The following TXNL1 variants were observed in gnomAD, a reference collection of about 807,000 sequenced individuals.
The protein encoded by TXNL1 is thioredoxin like 1, also known as thioredoxin-like protein 1.
Under a neutral mutation model 35.5 loss-of-function variants are expected in TXNL1, and 14 were observed. The observed-to-expected ratio is 0.39, with a 90% CI of 0.26 to 0.62. The LOEUF is 0.62. Ranked by LOEUF, TXNL1 falls within the 20% of genes least tolerant of loss-of-function variation. The pLI, the probability that TXNL1 is intolerant of heterozygous loss-of-function variation, is 0.47. For missense variants in TXNL1, 263 were observed against 349.7 expected (o/e 0.75, Z 1.98); for synonymous variants, 110 against 115.5 (o/e 0.95, Z 0.31).
chr18:56,633,407 A>G (rs1172708555), intron 1 of TXNL1, among the ~76,000 whole-genome samples: 1 of 143,934 alleles, frequency 6.9e-6, no homozygotes. Flanking sequence ...AGATTGTGCC[A>G]CTGCACTCCA....
At chr18:56,616,101 C>A (rs2024081789) in intron 5 of TXNL1, 144 bp downstream of exon 5, 1 of 639,820 alleles carries the variant, frequency 1.6e-6, no homozygotes. Flanking sequence ...CACCGCACTC[C>A]AGCCTGGGCA....
rs1598908075 is a variant in TXNL1, at chr18:56,600,113, A to G, written c.*2914T>C. On this transcript the variant is annotated 3_prime_UTR_variant, in exon 8 of 8. Coordinates refer to ENST00000217515, the MANE Select transcript of TXNL1 (RefSeq NM_004786.3). ...TTTTAGACATTAAGAGGAACAAGGG[A>G]GGATCTGAACTATTTTAGGTTTAAA... 1 of 152,370 alleles carries G rather than the reference A, an allele frequency of 6.6e-6. No homozygotes were observed. The highest frequency in any genetic ancestry group is 2.4e-5 in the African/African-American group (1 of 41,592). 9.4% of individuals were successfully genotyped at this position (152,370 alleles called of 1,614,324 possible).
chr18:56,621,154 A>G (rs963221106), intron 3 of TXNL1, among the ~76,000 whole-genome samples: 2 of 152,124 alleles, frequency 1.3e-5, no homozygotes, highest in Non-Finnish European at 2.9e-5. Flanking sequence ...AAATTCTTCT[A>G]AATAGTTTTT....
intron 6 of TXNL1, 24 bp downstream of exon 6, chr18:56,614,400 A>G (rs1177090348): frequency 5.6e-6 from 9 of 1,598,776 alleles, no homozygotes; most frequent in Non-Finnish European, 7.7e-6. Context: ...CCTATTAAAT[A>G]CATATGAACG....
chr18:56,610,588 A>G (rs2023974508), intron 7 of TXNL1: 1 of 152,808 alleles, frequency 6.5e-6, no homozygotes, highest in Non-Finnish European at 1.5e-5. Context: ...TTTAAATAAA[A>G]TTATTCAAGT....
Position 56,603,659 on chromosome 18 carries a change from C to A in TXNL1, c.841-603G>T, listed in dbSNP as rs577578239. Among the ~76,000 whole-genome samples, 3 of 152,216 alleles carry A rather than the reference C, an allele frequency of 2.0e-5. No individual in the cohort carries two copies. In the South Asian group the frequency reaches 6.2e-4, roughly 32 times the overall value. On this transcript the variant is annotated intron_variant, in intron 7 of 7. Transcript: ENST00000217515. ...TCCTCTACTGGAGGATTATAAAAAA[C>A]ATTCTGGTTGCTATATATGTGGCAG...
In TXNL1 at chr18:56,610,982, A is replaced by G. The variant is rs1390682690; in HGVS notation, c.840+11T>C. 2.6e-6 allele frequency: 4 copies of G among 1,537,694 alleles called. No homozygotes were observed. Among genetic ancestry groups the G allele is most frequent in the Middle Eastern group, 1.7e-4 (1 of 5,908 alleles). ...TTTTACTATCCCGAAGTATCATTTA[A>G]GCAAACTTACTCGTTTGAAGTCATT... On this transcript the variant is annotated intron_variant, in intron 7 of 7. Transcript: ENST00000217515.
chr18:56,616,675 C>T (rs529803560), intron 4 of TXNL1, among the ~76,000 whole-genome samples: 26 of 152,242 alleles, frequency 1.7e-4, no homozygotes, highest in Admixed American at 2.6e-4. Flanking sequence ...CATAGCTCTA[C>T]GATGGTTTAT....
At chr18:56,617,296 T>G (rs2024104054) in intron 4 of TXNL1, among the ~76,000 whole-genome samples, 1 of 152,194 alleles carries the variant, frequency 6.6e-6, no homozygotes, top group African/African-American at 2.4e-5. Context: ...ATTAGGGAAC[T>G]GAACTGTAGG....
intron 1 of TXNL1, among the ~76,000 whole-genome samples, chr18:56,633,797 A>G (rs2024414364): frequency 6.6e-6 from 1 of 151,716 alleles, no homozygotes; most frequent in South Asian, 2.1e-4. Flanking sequence ...CAGCCTGACC[A>G]ACATGGTGAA....
chr18:56,619,107 G>C, intron 3 of TXNL1, among the ~76,000 whole-genome samples: 1 of 151,494 alleles, frequency 6.6e-6, no homozygotes, highest in South Asian at 2.1e-4. Context: ...CCAGCTAATT[G>C]GGAGGCTGAG....
At chr18:56,607,380 C>T (rs1339874390) in intron 7 of TXNL1, among the ~76,000 whole-genome samples, 1 of 151,252 alleles carries the variant, frequency 6.6e-6, no homozygotes, top group African/African-American at 2.4e-5. Flanking sequence ...TGGTCCTGAA[C>T]TCCTGGGTTT....
chr18:56,616,147 G>GA (rs1271716378), intron 5 of TXNL1, 98 bp downstream of exon 5: 28 of 872,564 alleles, frequency 3.2e-5, no homozygotes, highest in Admixed American at 1.8e-4. Flanking sequence ...AAAAAAAAAA[G>GA]AAAAAACAAG....
rs1029927695 is a variant in TXNL1 at position 56,638,569 on chromosome 18, G to A, written c.-129C>T. The A allele has an allele frequency of 3.3e-6, 3 of 911,926 alleles. No individual in the cohort carries two copies. Among genetic ancestry groups the A allele is most frequent in the South Asian group, 1.8e-5 (1 of 55,552 alleles). The allele number at this position is 911,926 out of a possible 1,614,324, so 56.5% of individuals were successfully genotyped here. ...CTGGACAGAAGAGGTGGCGACCGCC[G>A]AGTCTTCTCCCGGGACTCTCAGTGC... On this transcript the variant is annotated 5_prime_UTR_variant, in exon 1 of 8. Coordinates refer to ENST00000217515, the MANE Select transcript of TXNL1 (RefSeq NM_004786.3).
chr18:56,637,733 G>C (rs1311977251), intron 1 of TXNL1, among the ~76,000 whole-genome samples: 7 of 152,144 alleles, frequency 4.6e-5, no homozygotes, highest in South Asian at 2.1e-4. Context: ...CGCATACATA[G>C]GGGAGCCTAA....
Position 56,602,270 on chromosome 18 carries a change from C to T in TXNL1, c.*757G>A, listed in dbSNP as rs2023819868. On this transcript the variant is annotated 3_prime_UTR_variant, in exon 8 of 8. Coordinates refer to ENST00000217515, the MANE Select transcript of TXNL1 (RefSeq NM_004786.3). ...TGGTGATTCGCCCGCCTTGGCCTCC[C>T]AAAGTACTGGGATTACAGACATTAG... 1 of 152,098 alleles carries T rather than the reference C, an allele frequency of 6.6e-6. No homozygotes were observed. Among genetic ancestry groups the T allele is most frequent in the Admixed American group, 6.6e-5 (1 of 15,264 alleles). The allele number at this position is 152,098 out of a possible 1,614,324, so 9.4% of individuals were successfully genotyped here.
chr18:56,638,384 G>T lies in TXNL1; in HGVS notation c.57C>A (p.Gly19=). Residue 19 remains glycine (G), a synonymous_variant, in exon 1 of 8, where the codon GGC becomes GGA. Transcript: ENST00000217515. The part of the protein sequence containing the change: ...SDPDFQPELS[G]AGSRLAVVKF... ...TGACCACGGCGAGTCTGGAGCCCGC[G>T]CCGCTCAGCTCTGGCTGGAAATCCG... The T allele has an allele frequency of 6.2e-7, 1 of 1,613,614 alleles. No homozygotes were observed. Among genetic ancestry groups the T allele is most frequent in the Non-Finnish European group, 8.5e-7 (1 of 1,179,736 alleles).
Position 56,624,326 on chromosome 18 carries a change from G to A in TXNL1, c.331C>T (p.Pro111Ser), listed in dbSNP as rs1444722659. ...EKIKQHLEND[P>S]GSNEDTDIPK... ...ATATCTGTGTCCTCATTGCTTCCAG[G>A]GTCATTTTCTAAGTGCTGCTTGATT... The change falls in exon 3 of 8, where the codon CCT becomes TCT. Residue 111 changes from proline (P) to serine (S), a missense_variant. By Grantham distance (74) the Pro-to-Ser change is moderately conservative. Coordinates refer to ENST00000217515, the MANE Select transcript of TXNL1 (RefSeq NM_004786.3). 3 of 1,613,602 alleles carry A rather than the reference G, an allele frequency of 1.9e-6. No individual in the cohort carries two copies. The highest frequency in any genetic ancestry group is 1.7e-6 in the Non-Finnish European group (2 of 1,179,756).
chr18:56,608,095 G>A (rs941031164), intron 7 of TXNL1, among the ~76,000 whole-genome samples: 1 of 152,040 alleles, frequency 6.6e-6, no homozygotes, highest in Admixed American at 6.5e-5. Context: ...GTATCCCCCC[G>A]CCCCGACAGA....
Sources: allele counts gnomAD v4.1 joint callset (sites outside exome capture counted in the v4.1 genomes callset), GRCh38; gene constraint gnomAD v4.1.1; transcripts MANE v1.5; gene names NCBI Gene and HGNC (gene_info 2026-07-23, HGNC 2026-07-21).